RGS12: variants seen among roughly 807,000 people sequenced by gnomAD.
RGS12 encodes regulator of G-protein signaling 12.
RGS12 carries 66 observed loss-of-function variants against 120.1 expected under a neutral mutation model. That is an observed-to-expected ratio of 0.55 (90% CI 0.45 to 0.67). RGS12 has a LOEUF of 0.67. Among genes scored for constraint, RGS12 ranks in the 30% least tolerant of loss-of-function variants. The probability of loss-of-function intolerance (pLI) is 0.00; values close to 1 mark genes in which losing one functional copy is unlikely to be tolerated. For synonymous variants in RGS12, 827 were observed against 804.7 expected, an observed-to-expected ratio of 1.03 and a Z score of -0.47; for missense variants, 1,859 against 1,957.7, an observed-to-expected ratio of 0.95 and a Z score of 0.95.
At chr4:3,432,063 C>G (rs1424646139) in intron 17 of RGS12, 1 of 985,318 alleles carries the variant, frequency 1.0e-6, no homozygotes, top group Non-Finnish European at 1.2e-6. Flanking sequence ...ACTCTGCAGC[C>G]TCCACCCCTG....
intron 3 of RGS12, among the ~76,000 whole-genome samples, chr4:3,364,685 C>T (rs889575529): frequency 4.6e-5 from 7 of 151,880 alleles, no homozygotes; most frequent in African/African-American, 1.5e-4. Flanking sequence ...GAGGGAGAGC[C>T]GGGCTGACAC....
At chr4:3,294,859 T>G (rs1357684960) in intron 1 of RGS12, among the ~76,000 whole-genome samples, 2 of 151,258 alleles carry the variant, frequency 1.3e-5, no homozygotes, top group East Asian at 3.9e-4. Flanking sequence ...CTCAGGGAGG[T>G]TGACAAAGAC....
In RGS12 at chr4:3,433,759, G is replaced by A. The variant is rs960611360; in HGVS notation, c.4114+2804G>A. 4.0e-5 allele frequency among the ~76,000 whole-genome samples: 6 copies of A among 151,358 alleles called. No homozygotes were observed. The highest frequency in any genetic ancestry group is 5.9e-5 in the Non-Finnish European group (4 of 67,876). On this transcript the variant is annotated intron_variant, in intron 17 of 17. Transcript: ENST00000336727. This position sits in a 1 kb window ranked among gnomAD's most constrained non-coding sequence, Gnocchi z 4.4. ...CTAGCCCCAGCGCCACACGCCACGC[G>A]GCACTCCACCCCGTCTGTCTAGCCC...
chr4:3,432,085 C>T (rs567519557), intron 17 of RGS12: 1 of 985,474 alleles, frequency 1.0e-6, no homozygotes, highest in Admixed American at 6.1e-5. Context: ...CCTGAGTCCC[C>T]CTCCATCCGT....
intron 3 of RGS12, among the ~76,000 whole-genome samples, chr4:3,370,832 T>C (rs997952293): frequency 6.6e-6 from 1 of 152,158 alleles, no homozygotes; most frequent in Non-Finnish European, 1.5e-5. Flanking sequence ...CTTATGAAGT[T>C]GAAGTTACTC....
intron 4 of RGS12, among the ~76,000 whole-genome samples, chr4:3,394,796 C>T (rs1413049929): frequency 1.3e-5 from 2 of 152,186 alleles, no homozygotes; most frequent in Non-Finnish European, 2.9e-5. Context: ...GCAGCCCAAG[C>T]GCCCCTGCAG....
chr4:3,397,381 C>A (rs1169739553), intron 4 of RGS12, among the ~76,000 whole-genome samples: 1 of 152,228 alleles, frequency 6.6e-6, no homozygotes, highest in African/African-American at 2.4e-5. Context: ...TGAGACCTGA[C>A]AGATGGGTGA....
Position 3,414,300 on chromosome 4 carries a change from G to T in RGS12, c.2190+59G>T, listed in dbSNP as rs144593094. On this transcript the variant is annotated intron_variant, in intron 5 of 17. Transcript: ENST00000336727. ...GTCTGTGCTCTGCAGAGACTACCGA[G>T]CAGGATCTGTGGGCCGCCCTAGAGA... 1.3e-3 allele frequency: 1,907 copies of T among 1,471,556 alleles called. 27 individuals are homozygous for T. The African/African-American group carries it at 0.023, about 18-fold the overall frequency. 91.2% of individuals were successfully genotyped at this position (1,471,556 alleles called of 1,614,324 possible).
chr4:3,322,574 CAA>C, intron 2 of RGS12, among the ~76,000 whole-genome samples: 1 of 152,126 alleles, frequency 6.6e-6, no homozygotes, highest in East Asian at 1.9e-4. Flanking sequence ...CAAACTGACT[CAA>C]AGTTATATTA....
intron 4 of RGS12, 116 bp downstream of exon 4, chr4:3,386,553 C>G: frequency 1.1e-6 from 1 of 897,528 alleles, no homozygotes; most frequent in Non-Finnish European, 1.8e-6. Flanking sequence ...CTTTCCCTGT[C>G]TCCTTGTGGG....
intron 6 of RGS12, among the ~76,000 whole-genome samples, chr4:3,415,107 CG>C (rs1560162028): frequency 2.5e-5 from 2 of 78,796 alleles, no homozygotes; most frequent in African/African-American, 1.0e-4. Flanking sequence ...TGAGAGGTCG[CG>C]TGTGAGAGGG....
upstream of RGS12, among the ~76,000 whole-genome samples, chr4:3,289,588 C>T (rs1722970230): frequency 6.6e-6 from 1 of 152,166 alleles, no homozygotes; most frequent in African/African-American, 2.4e-5. Context: ...AAAAATTGTA[C>T]AATCTGATGC....
chr4:3,363,377 G>T (rs1469131744), intron 3 of RGS12, among the ~76,000 whole-genome samples: 1 of 152,150 alleles, frequency 6.6e-6, no homozygotes, highest in Non-Finnish European at 1.5e-5. Flanking sequence ...TAAAAATCCT[G>T]TTTCAGCTTG....
Position 3,389,051 on chromosome 4 carries a change from A to AGTTC in RGS12, c.2020+2617_2020+2620dup, listed in dbSNP as rs1227840040. Among the ~76,000 whole-genome samples the AGTTC allele has an allele frequency of 6.6e-6, 1 of 152,132 alleles. No homozygotes were observed. The highest frequency in any genetic ancestry group is 1.5e-5 in the Non-Finnish European group (1 of 68,042). ...GTTCAACGAGCCGTGCCAGTGAGAG[A>AGTTC]GTTCGTGTTCATGCCACGGTTTCAT... On this transcript the variant is annotated intron_variant, in intron 4 of 17. Coordinates refer to ENST00000336727, the MANE Select transcript of RGS12 (RefSeq NM_001394154.1). The surrounding 1 kb of genome is among the most constrained non-coding windows in gnomAD (Gnocchi z 5.2).
Position 3,417,427 on chromosome 4 carries a change from G to A in RGS12, c.2647G>A (p.Glu883Lys), listed in dbSNP as rs776826500. 1 of 1,590,830 alleles carries A rather than the reference G, an allele frequency of 6.3e-7. No individual in the cohort carries two copies. The highest frequency in any genetic ancestry group is 1.1e-5 in the South Asian group (1 of 89,916). The change falls in exon 9 of 18, where the codon GAG becomes AAG. Residue 883 changes from glutamate (E) to lysine (K), a missense_variant. Transcript: ENST00000336727. The stretch of plus-strand genomic sequence containing the variant: ...AAAATCCGGCCGATCCCTGAATGAA[G>A]AGCTGGGGGATGAGGACAGCGAGAA... ...KSKSGRSLNEELGDEDSEKKR... is the reference protein window; with the variant it reads ...KSKSGRSLNEKLGDEDSEKKR...
intron 3 of RGS12, among the ~76,000 whole-genome samples, chr4:3,351,535 C>T (rs1051373060): frequency 6.6e-6 from 1 of 151,994 alleles, no homozygotes; most frequent in East Asian, 1.9e-4. Flanking sequence ...TTTATAAAGC[C>T]ATTAGTTTGA....
intron 4 of RGS12, among the ~76,000 whole-genome samples, chr4:3,402,196 A>G (rs1034581524): frequency 2.0e-5 from 3 of 152,272 alleles, no homozygotes; most frequent in Non-Finnish European, 2.9e-5. Flanking sequence ...TTAGTTTTAC[A>G]TCTAACATAT....
chr4:3,363,625 C>T (rs868495554), intron 3 of RGS12, among the ~76,000 whole-genome samples: 2 of 152,132 alleles, frequency 1.3e-5, no homozygotes, highest in Admixed American at 6.5e-5. Context: ...CGCAGCGTCC[C>T]GCTCACCCGG....
At chr4:3,363,475 G>GAGCCTCTGGCCC in intron 3 of RGS12, among the ~76,000 whole-genome samples, 1 of 151,792 alleles carries the variant, frequency 6.6e-6, no homozygotes, top group Admixed American at 6.5e-5. Flanking sequence ...TCCCGGTAAG[G>GAGCCTCTGGCCC]AGCCGCGGGG....
Sources: allele counts gnomAD v4.1 joint callset (sites outside exome capture counted in the v4.1 genomes callset), GRCh38; gene constraint gnomAD v4.1.1; non-coding constraint Gnocchi (gnomAD v3.1); transcripts MANE v1.5; gene names NCBI Gene and HGNC (gene_info 2026-07-23, HGNC 2026-07-21).